CDH4: variants seen among roughly 807,000 people sequenced by gnomAD.
CDH4 encodes the protein cadherin-4.
CDH4 carries 33 observed loss-of-function variants against 86.0 expected under a neutral mutation model. That is an observed-to-expected ratio of 0.38 (90% CI 0.29 to 0.51). CDH4 has a LOEUF of 0.51. CDH4 is among the 20% of genes least tolerant of loss of function. The pLI, the probability that CDH4 is intolerant of heterozygous loss-of-function variation, is 0.86. For missense variants in CDH4, 1,114 were observed against 1,307.4 expected, an observed-to-expected ratio of 0.85 and a Z score of 2.28; for synonymous variants, 555 against 549.4, an observed-to-expected ratio of 1.01 and a Z score of -0.14.
intron 11 of CDH4, among the ~76,000 whole-genome samples, chr20:61,925,285 G>A (rs959556307): frequency 2.0e-5 from 3 of 152,190 alleles, no homozygotes; most frequent in Non-Finnish European, 2.9e-5. Flanking sequence ...AGCCCCCCAC[G>A]GGTCGCACGC....
At chr20:61,271,927 G>A (rs2123139452) in intron 2 of CDH4, among the ~76,000 whole-genome samples, 1 of 152,322 alleles carries the variant, frequency 6.6e-6, no homozygotes, top group South Asian at 2.1e-4. Flanking sequence ...AAACAAGGCA[G>A]CTCGCTGATT....
chr20:61,922,576 C>A (rs765681373), intron 9 of CDH4, among the ~76,000 whole-genome samples: 1 of 152,172 alleles, frequency 6.6e-6, no homozygotes, highest in South Asian at 2.1e-4. Flanking sequence ...TCCAGCTCTG[C>A]GAGTCAGAGA....
chr20:61,764,891 G>C (rs563432374), intron 3 of CDH4, among the ~76,000 whole-genome samples: 6 of 152,332 alleles, frequency 3.9e-5, no homozygotes, highest in Non-Finnish European at 5.9e-5. Context: ...GTGCCTGGAG[G>C]CTTCTGCTGC....
At chr20:61,930,985 A>G (rs2055101618) in intron 13 of CDH4, among the ~76,000 whole-genome samples, 1 of 152,160 alleles carries the variant, frequency 6.6e-6, no homozygotes, top group African/African-American at 2.4e-5. Context: ...GGGCAGCCGC[A>G]GTGGAGGGCA....
intron 2 of CDH4, among the ~76,000 whole-genome samples, chr20:61,326,422 G>A (rs2084537180): frequency 6.6e-6 from 1 of 152,168 alleles, no homozygotes; most frequent in African/African-American, 2.4e-5. Context: ...GAATCTTCTG[G>A]AAATCCTCCG....
chr20:61,571,464 C>G (rs2086341167), intron 2 of CDH4, among the ~76,000 whole-genome samples: 1 of 152,172 alleles, frequency 6.6e-6, no homozygotes, highest in Admixed American at 6.5e-5. Flanking sequence ...CAGGACCCAG[C>G]TCCGTGGGCC....
chr20:61,897,177 C>A (rs1207614058), intron 8 of CDH4, among the ~76,000 whole-genome samples: 1 of 152,154 alleles, frequency 6.6e-6, no homozygotes, highest in African/African-American at 2.4e-5. Context: ...TGGCCTGATT[C>A]TCTGAGACGT....
chr20:61,359,260 T>G (rs1188861445), intron 2 of CDH4, among the ~76,000 whole-genome samples: 2 of 152,128 alleles, frequency 1.3e-5, no homozygotes, highest in Non-Finnish European at 2.9e-5. Context: ...CTCACTTCCC[T>G]AGGAGTTTGG....
chr20:61,562,400 A>G (rs2086225598), intron 2 of CDH4, among the ~76,000 whole-genome samples: 1 of 141,136 alleles, frequency 7.1e-6, no homozygotes, highest in African/African-American at 2.7e-5. Context: ...CCGGAGAGAG[A>G]GGGGGACCTT....
intron 4 of CDH4, among the ~76,000 whole-genome samples, chr20:61,828,286 A>G (rs1246603390): frequency 3.3e-5 from 5 of 152,064 alleles, no homozygotes; most frequent in Non-Finnish European, 7.4e-5. Context: ...AGCACCCACC[A>G]CCCGCCACCT....
At chr20:61,579,263 C>T (rs1193620251) in intron 2 of CDH4, among the ~76,000 whole-genome samples, 4 of 151,464 alleles carry the variant, frequency 2.6e-5, no homozygotes, top group Non-Finnish European at 2.9e-5. Flanking sequence ...GGGGAGTTGC[C>T]TCTAAATCTC....
At position 61,720,671 on chromosome 20, in the gene CDH4, G is replaced by C. The variant is rs546231100; in HGVS notation, c.170-22892G>C. Among the ~76,000 whole-genome samples the C allele has an allele frequency of 1.2e-4, 18 of 152,052 alleles. 1 individual carries two copies. In the South Asian group the frequency reaches 3.5e-3, roughly 30 times the overall value. On this transcript the variant is annotated intron_variant, in intron 2 of 15. Coordinates refer to ENST00000614565, the MANE Select transcript of CDH4 (RefSeq NM_001794.5). ...TCTTGTGTCTGTGTTCTGTGTATTT[G>C]CTTGCATGCTTTTCTCTCCAGCGTG...
intron 2 of CDH4, among the ~76,000 whole-genome samples, chr20:61,722,206 TGTAA>T (rs1178032116): frequency 6.6e-6 from 1 of 152,196 alleles, no homozygotes; most frequent in Non-Finnish European, 1.5e-5. Context: ...TTTTTTTCTT[TGTAA>T]GTGACATTGT....
At chr20:61,803,928 AGGCGGTGCCGAGAC>A (rs1979976936) in intron 4 of CDH4, among the ~76,000 whole-genome samples, 1 of 152,260 alleles carries the variant, frequency 6.6e-6, no homozygotes, top group Non-Finnish European at 1.5e-5. Context: ...TGCTTCCAGG[AGGCGGTGCCGAGAC>A]GGCGGAGGTA....
intron 2 of CDH4, among the ~76,000 whole-genome samples, chr20:61,413,548 T>C (rs2085131235): frequency 6.6e-6 from 1 of 152,136 alleles, no homozygotes; most frequent in African/African-American, 2.4e-5. Context: ...GCATGCTGTG[T>C]GTCTTGTGCC....
chr20:61,484,417 C>T (rs938451668), intron 2 of CDH4, among the ~76,000 whole-genome samples: 13 of 152,226 alleles, frequency 8.5e-5, no homozygotes, highest in Admixed American at 7.2e-4. Context: ...ATCTGCAGTG[C>T]CCTCACTGGG....
chr20:61,914,223 G>A (rs1776235), intron 9 of CDH4, among the ~76,000 whole-genome samples: 123,984 of 152,074 alleles, frequency 0.82, 52,339 homozygotes, highest in Non-Finnish European at 0.95. Context: ...GAGTCTCACG[G>A]TGCTGCCTCC....
chr20:61,741,553 G>T (rs551833421), intron 2 of CDH4, among the ~76,000 whole-genome samples: 2 of 151,862 alleles, frequency 1.3e-5, no homozygotes, highest in East Asian at 2.0e-4. Flanking sequence ...GTGCCATGGC[G>T]TGATCTCGGC....
At chr20:61,262,059 C>A (rs1164039071) in intron 2 of CDH4, among the ~76,000 whole-genome samples, 1 of 152,194 alleles carries the variant, frequency 6.6e-6, no homozygotes, top group Non-Finnish European at 1.5e-5. Flanking sequence ...TCCTGGAAGC[C>A]CTGAGCACGT....
Sources: gnomAD v4.1 joint callset for allele counts (sites outside exome capture counted in the v4.1 genomes callset) on GRCh38, gnomAD v4.1.1 for gene constraint, MANE v1.5 for transcripts, NCBI Gene and HGNC (gene_info 2026-07-23, HGNC 2026-07-21) for gene names.